Variants in SEC14L1 observed in about 807,000 individuals in gnomAD.
SEC14L1 encodes the protein SEC14 like lipid binding 1.
SEC14L1 carries 48 observed loss-of-function variants against 85.3 expected under a neutral mutation model. The ratio of observed to expected loss-of-function variants is 0.56; its 90% confidence interval spans 0.45 to 0.72. The LOEUF is 0.72. SEC14L1 is among the 30% of genes least tolerant of loss of function. SEC14L1 has a pLI of 0.00. For synonymous variants in SEC14L1, 391 were observed against 355.5 expected (o/e 1.10, Z -1.12); for missense variants, 682 against 921.4 (o/e 0.74, Z 3.36).
chr17:77,107,391 C>T (rs915494902), intron 3 of SEC14L1, among the ~76,000 whole-genome samples: 4 of 151,744 alleles, frequency 2.6e-5, no homozygotes, highest in African/African-American at 7.3e-5. Flanking sequence ...TGGGTAGGAA[C>T]GAAAAGAAAG....
upstream of SEC14L1, among the ~76,000 whole-genome samples, chr17:77,139,160 ATTTTTTTT>A (rs749541191): frequency 2.7e-4 from 33 of 120,162 alleles, no homozygotes; most frequent in African/African-American, 4.6e-4. Context: ...GGTCAGGTGA[ATTTTTTTT>A]TTTTTTTTTT....
intron 9 of SEC14L1, among the ~76,000 whole-genome samples, chr17:77,203,101 A>AG (rs1395271451): frequency 6.6e-6 from 1 of 152,188 alleles, no homozygotes; most frequent in African/African-American, 2.4e-5. Flanking sequence ...ATGAAAAAAA[A>AG]TGATTTTCTA....
At chr17:77,091,661 G>A (rs1236925952) in intron 2 of SEC14L1, among the ~76,000 whole-genome samples, 1 of 152,184 alleles carries the variant, frequency 6.6e-6, no homozygotes, top group African/African-American at 2.4e-5. Context: ...AGAGGGAGCA[G>A]TGCCACCTTT....
At chr17:77,130,543 G>A (rs1018448490) in intron 3 of SEC14L1, among the ~76,000 whole-genome samples, 5 of 152,056 alleles carry the variant, frequency 3.3e-5, no homozygotes, top group African/African-American at 4.8e-5. Context: ...AGCTGTTCTC[G>A]AACTCCTGGC....
At chr17:77,177,832 A>C (rs1018729532) in intron 3 of SEC14L1, among the ~76,000 whole-genome samples, 7 of 152,310 alleles carry the variant, frequency 4.6e-5, no homozygotes, top group African/African-American at 1.7e-4. Flanking sequence ...GATACTGTGA[A>C]ATAACTGACA....
chr17:77,200,711 C>G (rs747998638), intron 9 of SEC14L1, 38 bp downstream of exon 9: 13 of 1,580,124 alleles, frequency 8.2e-6, no homozygotes, highest in Non-Finnish European at 1.1e-5. Flanking sequence ...CCATCGTTGT[C>G]TTGATGTGTG....
In SEC14L1 at chr17:77,211,970, T is replaced by C; in HGVS notation, c.1632T>C (p.Asp544=). ...APHEILIQIV[D]ASSVITWDFD... ...TTCAGATTCTCATTCAGATTGTGGA[T>C]GCCTCGTCAGTCATCACTTGGGATT... Residue 544 remains aspartate (D), a synonymous_variant, in exon 15 of 17, where the codon GAT becomes GAC. Transcript: ENST00000436233. 1 of 1,614,106 alleles carries C rather than the reference T, an allele frequency of 6.2e-7. No individual in the cohort carries two copies. The highest frequency in any genetic ancestry group is 8.5e-7 in the Non-Finnish European group (1 of 1,180,014).
At chr17:77,203,091 A>G (rs1332541475) in intron 9 of SEC14L1, among the ~76,000 whole-genome samples, 1 of 152,142 alleles carries the variant, frequency 6.6e-6, no homozygotes, top group Non-Finnish European at 1.5e-5. Context: ...AATCTATGAC[A>G]TGAAAAAAAA....
chr17:77,095,842 GAAAT>G (rs1402982032), intron 3 of SEC14L1, among the ~76,000 whole-genome samples: 1 of 151,768 alleles, frequency 6.6e-6, no homozygotes, highest in African/African-American at 2.4e-5. Flanking sequence ...ACTAATTACT[GAAAT>G]AAATAAACAG....
chr17:77,131,332 C>T (rs879513537), intron 3 of SEC14L1, among the ~76,000 whole-genome samples: 8 of 152,218 alleles, frequency 5.3e-5, no homozygotes, highest in Admixed American at 2.0e-4. Flanking sequence ...TGCAATGGCG[C>T]GGTCTTGGCT....
At chr17:77,194,137 C>G (rs1435835342) in intron 6 of SEC14L1, among the ~76,000 whole-genome samples, 1 of 152,168 alleles carries the variant, frequency 6.6e-6, no homozygotes, top group African/African-American at 2.4e-5. Context: ...AAAATTCCAT[C>G]TCATTAGATA....
rs1977038954 is a variant in SEC14L1, at chr17:77,216,009, A to G, written c.*1986A>G. 2.1e-6 allele frequency: 2 copies of G among 931,580 alleles called. No homozygotes were observed. Among genetic ancestry groups the G allele is most frequent in the Admixed American group, 1.5e-4 (2 of 12,946 alleles). 57.7% of individuals were successfully genotyped at this position (931,580 alleles called of 1,614,324 possible). On this transcript the variant is annotated 3_prime_UTR_variant, in exon 17 of 17. Coordinates refer to ENST00000436233, the MANE Select transcript of SEC14L1 (RefSeq NM_001143998.2). ...GGTAGGGCTAGTAGGTAGGGTTCGT[A>G]GGTAGGGTTCGTAGGTAGGGCTAGT...
At chr17:77,119,086 G>A (rs909302573) in intron 3 of SEC14L1, among the ~76,000 whole-genome samples, 1 of 152,116 alleles carries the variant, frequency 6.6e-6, no homozygotes, top group South Asian at 2.1e-4. Flanking sequence ...GAGACGGGTG[G>A]ATTGCCTGAG....
chr17:77,173,871 C>T (rs1426501097), intron 3 of SEC14L1, among the ~76,000 whole-genome samples: 2 of 151,486 alleles, frequency 1.3e-5, no homozygotes, highest in Non-Finnish European at 2.9e-5. Context: ...CTCAACCTCT[C>T]TTACTAGAGA....
intron 3 of SEC14L1, among the ~76,000 whole-genome samples, chr17:77,160,279 A>G (rs1208081741): frequency 5.9e-5 from 9 of 152,222 alleles, no homozygotes; most frequent in Non-Finnish European, 1.2e-4. Flanking sequence ...TCTGAAGTCC[A>G]CAAATTTCTC....
chr17:77,119,716 A>T (rs1024154587), intron 3 of SEC14L1, among the ~76,000 whole-genome samples: 11 of 152,152 alleles, frequency 7.2e-5, no homozygotes, highest in Non-Finnish European at 1.3e-4. Flanking sequence ...CTTGCCTCAA[A>T]CGGCCCTTAC....
chr17:77,119,495 G>A (rs565493608), intron 3 of SEC14L1, among the ~76,000 whole-genome samples: 2 of 152,230 alleles, frequency 1.3e-5, no homozygotes, highest in African/African-American at 4.8e-5. Flanking sequence ...GCACCATCAA[G>A]GAGCCGGTAT....
chr17:77,216,658 A>T lies in SEC14L1; in HGVS notation c.*2635A>T. 17 of 1,605,436 alleles carry T rather than the reference A, an allele frequency of 1.1e-5. No homozygotes were observed. In the South Asian group the frequency reaches 1.7e-4, roughly 16 times the overall value. ...TTGCAGCCATCCCCTGCCCCCTCCC[A>T]GGCTGAAGATCTGTTCTTTTTAAGT... On this transcript the variant is annotated 3_prime_UTR_variant, in exon 17 of 17. Coordinates refer to ENST00000436233, the MANE Select transcript of SEC14L1 (RefSeq NM_001143998.2).
intron 3 of SEC14L1, among the ~76,000 whole-genome samples, chr17:77,120,483 T>C (rs1598248573): frequency 7.5e-6 from 1 of 132,518 alleles, no homozygotes; most frequent in South Asian, 2.5e-4. Flanking sequence ...CTCCACATTC[T>C]TTTTTTTTTT....
Sources: gnomAD v4.1 joint callset for allele counts (sites outside exome capture counted in the v4.1 genomes callset) on GRCh38, gnomAD v4.1.1 for gene constraint, MANE v1.5 for transcripts, NCBI Gene and HGNC (gene_info 2026-07-23, HGNC 2026-07-21) for gene names.